ZFHX3: variants seen among roughly 807,000 people sequenced by gnomAD.
ZFHX3 encodes zinc finger homeobox protein 3.
A neutral mutation model predicts 279.1 loss-of-function variants in ZFHX3; 42 were observed. The observed-to-expected ratio is 0.15, with a 90% CI of 0.12 to 0.19. The LOEUF (loss-of-function observed/expected upper bound fraction) is 0.19. Among genes scored for constraint, ZFHX3 ranks in the 10% least tolerant of loss-of-function variants. ZFHX3 has a pLI of 1.00. For synonymous variants in ZFHX3, 2,293 were observed against 1,957.8 expected (o/e 1.17, Z -4.52); for missense variants, 4,981 against 4,754.0 (o/e 1.05, Z -1.40).
At chr16:73,766,988 T>A (rs1220429454) in intron 1 of ZFHX3, among the ~76,000 whole-genome samples, 1 of 148,332 alleles carries the variant, frequency 6.7e-6, no homozygotes, top group Non-Finnish European at 1.5e-5. Flanking sequence ...CAGGCTGGAG[T>A]GCACTGGCGC....
chr16:73,713,991 A>T (rs1394832434), intron 1 of ZFHX3, among the ~76,000 whole-genome samples: 2 of 152,160 alleles, frequency 1.3e-5, no homozygotes, highest in Non-Finnish European at 2.9e-5. Flanking sequence ...ACCGATACCC[A>T]GCGGCTGGCA....
At chr16:73,262,965 A>G (rs80308008) in intron 4 of ZFHX3, among the ~76,000 whole-genome samples, 8,858 of 152,178 alleles carry the variant, frequency 0.058, 375 homozygotes, top group Non-Finnish European at 0.09. Flanking sequence ...CCCAGCCCCA[A>G]CCAAGCCACC....
intron 2 of ZFHX3, among the ~76,000 whole-genome samples, chr16:73,492,363 C>G (rs1033206025): frequency 3.3e-5 from 5 of 152,166 alleles, no homozygotes; most frequent in Non-Finnish European, 7.3e-5. Flanking sequence ...TTTGTTTCCT[C>G]TTGTATGGCT....
chr16:73,567,283 T>C (rs1018190274), intron 2 of ZFHX3, among the ~76,000 whole-genome samples: 4 of 151,782 alleles, frequency 2.6e-5, no homozygotes. Flanking sequence ...TATATCCAAA[T>C]AAGATCACAT....
intron 2 of ZFHX3, among the ~76,000 whole-genome samples, chr16:73,511,033 C>T (rs1400942036): frequency 6.6e-6 from 1 of 152,200 alleles, no homozygotes; most frequent in East Asian, 1.9e-4. Flanking sequence ...TGGCTTTGTG[C>T]CTTGTGCTTC....
At chr16:73,482,710 T>G (rs2018891256) in intron 2 of ZFHX3, among the ~76,000 whole-genome samples, 1 of 152,194 alleles carries the variant, frequency 6.6e-6, no homozygotes, top group African/African-American at 2.4e-5. Flanking sequence ...AATGAGGTGA[T>G]TAAAAGAGAG....
intron 4 of ZFHX3, among the ~76,000 whole-genome samples, chr16:73,285,642 G>T (rs1270459157): frequency 6.6e-6 from 1 of 152,240 alleles, no homozygotes; most frequent in South Asian, 2.1e-4. Context: ...ATGAAGCCTC[G>T]GCTGGTCATG....
At chr16:73,448,635 A>G (rs1024135119) in intron 3 of ZFHX3, among the ~76,000 whole-genome samples, 1 of 151,824 alleles carries the variant, frequency 6.6e-6, no homozygotes, top group African/African-American at 2.4e-5. Context: ...AAAATCATAT[A>G]TAAGAGAAAC....
intron 5 of ZFHX3, among the ~76,000 whole-genome samples, chr16:72,814,754 C>T (rs1052778012): frequency 6.6e-6 from 1 of 152,158 alleles, no homozygotes; most frequent in African/African-American, 2.4e-5. Flanking sequence ...AGTGATACAA[C>T]AGCCCTGCTT....
At chr16:72,881,337 C>G (rs7404577) in intron 4 of ZFHX3, among the ~76,000 whole-genome samples, 1 of 151,860 alleles carries the variant, frequency 6.6e-6, no homozygotes. Context: ...GAGGTATGGG[C>G]AGCACTTAGA....
intron 3 of ZFHX3, among the ~76,000 whole-genome samples, chr16:73,391,417 A>G (rs1597314612): frequency 6.6e-6 from 1 of 150,970 alleles, no homozygotes. Flanking sequence ...ATGCCACTGC[A>G]CTCCAGTCTG....
intron 1 of ZFHX3, among the ~76,000 whole-genome samples, chr16:73,833,752 A>G (rs137922642): frequency 1.6e-4 from 25 of 151,778 alleles, no homozygotes; most frequent in African/African-American, 6.0e-4. Context: ...TGAAAGTATA[A>G]TTTTAAAAAA....
intron 4 of ZFHX3, among the ~76,000 whole-genome samples, chr16:72,875,775 T>C (rs1189412442): frequency 6.6e-6 from 1 of 152,214 alleles, no homozygotes; most frequent in Admixed American, 6.5e-5. Flanking sequence ...ATTTCAAGCC[T>C]TTGTAAGAAC....
At chr16:72,932,519 G>A (rs1297986488) in intron 3 of ZFHX3, among the ~76,000 whole-genome samples, 1 of 151,936 alleles carries the variant, frequency 6.6e-6, no homozygotes, top group Non-Finnish European at 1.5e-5. Context: ...GAGACTTAGT[G>A]AGGAATCCAA....
At position 73,632,458 on chromosome 16, in the gene ZFHX3, G is replaced by A. The variant is rs139719381; in HGVS notation, c.-1547+47722C>T. 3.1e-4 allele frequency among the ~76,000 whole-genome samples: 46 copies of A among 150,146 alleles called. No individual in the cohort carries two copies. In the East Asian group the frequency reaches 6.9e-3, roughly 23 times the overall value. On this transcript the variant is annotated intron_variant, in intron 2 of 17. Coordinates refer to the ZFHX3 transcript ENST00000641206. The stretch of plus-strand genomic sequence containing the variant: ...AGCACTTTGGGAGGCTGGGGCAGGC[G>A]GATCATGAGGTCAGTCAAGAGATTG...
chr16:73,560,358 G>A (rs1336807109), intron 2 of ZFHX3, among the ~76,000 whole-genome samples: 2 of 152,160 alleles, frequency 1.3e-5, no homozygotes, highest in Admixed American at 1.3e-4. Flanking sequence ...TGTTCGGACT[G>A]GCTACCGGCT....
intron 3 of ZFHX3, among the ~76,000 whole-genome samples, chr16:72,916,274 T>C (rs1316773911): frequency 6.6e-6 from 1 of 152,194 alleles, no homozygotes; most frequent in Non-Finnish European, 1.5e-5. Context: ...ATTAATGACA[T>C]TTGATTTTGT....
At chr16:73,132,157 C>T (rs942924606) in intron 6 of ZFHX3, among the ~76,000 whole-genome samples, 1 of 152,118 alleles carries the variant, frequency 6.6e-6, no homozygotes, top group African/African-American at 2.4e-5. Context: ...AGGTGGCACA[C>T]AACTGTAGTC....
chr16:73,159,910 G>A (rs902706095), intron 5 of ZFHX3, among the ~76,000 whole-genome samples: 15 of 151,996 alleles, frequency 9.9e-5, no homozygotes, highest in East Asian at 9.7e-4. Flanking sequence ...CTGCAGGTGC[G>A]TGCCACCATG....
Sources: gnomAD v4.1 joint callset for allele counts (sites outside exome capture counted in the v4.1 genomes callset) on GRCh38, gnomAD v4.1.1 for gene constraint, MANE v1.5 for transcripts, NCBI Gene and HGNC (gene_info 2026-07-23, HGNC 2026-07-21) for gene names.